Variants in SAMD12 observed in about 807,000 individuals in gnomAD.
The protein encoded by SAMD12 is sterile alpha motif domain containing 12.
In SAMD12, 9 loss-of-function variants were observed where a neutral mutation model predicts 15.0. The ratio of observed to expected loss-of-function variants is 0.60; its 90% CI spans 0.36 to 1.05. SAMD12 has a LOEUF of 1.05. Among genes scored for constraint, SAMD12 ranks in the 50% least tolerant of loss-of-function variants. SAMD12 has a pLI of 0.01. For synonymous variants in SAMD12, 86 were observed against 90.1 expected (o/e 0.96, Z 0.25); for missense variants, 230 against 234.2 (o/e 0.98, Z 0.12).
intron 3 of SAMD12, among the ~76,000 whole-genome samples, chr8:118,425,145 A>G (rs553649005): frequency 5.3e-5 from 8 of 152,042 alleles, no homozygotes; most frequent in South Asian, 4.1e-4. Context: ...TCACCGTGTT[A>G]GCCAGGATGG....
At chr8:118,264,138 A>G (rs1232254746) in intron 4 of SAMD12, among the ~76,000 whole-genome samples, 1 of 152,126 alleles carries the variant, frequency 6.6e-6, no homozygotes, top group Non-Finnish European at 1.5e-5. Flanking sequence ...TTAACTCTAT[A>G]AAGATAAGGC....
intron 4 of SAMD12, among the ~76,000 whole-genome samples, chr8:118,320,781 C>T (rs900011794): frequency 9.3e-5 from 14 of 150,596 alleles, no homozygotes; most frequent in African/African-American, 3.2e-4. Context: ...CAAATCTGCA[C>T]ATTGTGCACA....
chr8:118,511,860 T>C (rs1430582209), intron 2 of SAMD12, among the ~76,000 whole-genome samples: 1 of 152,218 alleles, frequency 6.6e-6, no homozygotes, highest in African/African-American at 2.4e-5. Flanking sequence ...TATACAAATC[T>C]GCACTGAACA....
intron 3 of SAMD12, among the ~76,000 whole-genome samples, chr8:118,405,243 G>T (rs1821068408): frequency 2.0e-5 from 3 of 152,068 alleles, no homozygotes; most frequent in Admixed American, 2.0e-4. Context: ...GAAAATGAGT[G>T]CTCATTTTCA....
At chr8:118,381,792 A>T in intron 3 of SAMD12, among the ~76,000 whole-genome samples, 1 of 152,270 alleles carries the variant, frequency 6.6e-6, no homozygotes, top group South Asian at 2.1e-4. Context: ...TAAGACAATA[A>T]ATTTGTGTTG....
intron 4 of SAMD12, among the ~76,000 whole-genome samples, chr8:118,208,049 G>C (rs1819914954): frequency 6.6e-6 from 1 of 151,982 alleles, no homozygotes; most frequent in African/African-American, 2.4e-5. Context: ...CCTGAGGTCG[G>C]GAGTTCGAGA....
intron 4 of SAMD12, among the ~76,000 whole-genome samples, chr8:118,223,719 G>T (rs1812129719): frequency 6.6e-6 from 1 of 152,146 alleles, no homozygotes; most frequent in African/African-American, 2.4e-5. Flanking sequence ...TAATATAAAA[G>T]CAATAATGTG....
intron 2 of SAMD12, among the ~76,000 whole-genome samples, chr8:118,458,364 T>C (rs2130931232): frequency 6.6e-6 from 1 of 152,340 alleles, no homozygotes; most frequent in Non-Finnish European, 1.5e-5. Context: ...TGGGGTCTAA[T>C]TTTGATCCTT....
intron 3 of SAMD12, among the ~76,000 whole-genome samples, chr8:118,431,871 A>T (rs972140423): frequency 1.3e-5 from 2 of 152,122 alleles, no homozygotes; most frequent in African/African-American, 4.8e-5. Flanking sequence ...CTGATATTCT[A>T]GTAATGCATA....
At chr8:118,500,308 C>G (rs1339880690) in intron 2 of SAMD12, among the ~76,000 whole-genome samples, 1 of 151,496 alleles carries the variant, frequency 6.6e-6, no homozygotes, top group African/African-American at 2.4e-5. Context: ...AAACTCCTGA[C>G]CTAAGGTAAT....
chr8:118,498,321 G>A (rs1824685563), intron 2 of SAMD12, among the ~76,000 whole-genome samples: 1 of 152,172 alleles, frequency 6.6e-6, no homozygotes, highest in South Asian at 2.1e-4. Context: ...AAAAAATATA[G>A]AGAAGAATGA....
the SAMD12 span, among the ~76,000 whole-genome samples, chr8:118,171,033 C>T: frequency 5.9e-5 from 9 of 152,196 alleles, no homozygotes; most frequent in South Asian, 1.9e-3. Flanking sequence ...GACATTTCTC[C>T]AAGGAAAATA....
Position 118,500,496 on chromosome 8 carries a change from G to T in SAMD12, c.193-60535C>A, listed in dbSNP as rs531450431. ...GGTTCCTTTCTGTGAAGCCATTCTTGATTCTTTTAATCAAAATCAGTTGTT... is the reference window on the plus strand; with the variant it reads ...GGTTCCTTTCTGTGAAGCCATTCTTTATTCTTTTAATCAAAATCAGTTGTT... On this transcript the variant is annotated intron_variant, in intron 2 of 3. Transcript: ENST00000314727. 8.6e-5 allele frequency among the ~76,000 whole-genome samples: 13 copies of T among 150,678 alleles called. No homozygotes were observed. The East Asian group carries it at 2.0e-3, about 24-fold the overall frequency.
At chr8:118,570,115 T>A (rs1004479662) in intron 2 of SAMD12, among the ~76,000 whole-genome samples, 2 of 152,166 alleles carry the variant, frequency 1.3e-5, no homozygotes, top group Non-Finnish European at 2.9e-5. Context: ...GGACCCTGAA[T>A]AGAGCTTGCA....
chr8:118,376,886 A>AG (rs1563808671), downstream of SAMD12, among the ~76,000 whole-genome samples: 2 of 152,216 alleles, frequency 1.3e-5, no homozygotes, highest in Non-Finnish European at 2.9e-5. Context: ...TATATTTTAA[A>AG]CTAATAAGTT....
At chr8:118,232,351 G>C (rs1409228058) in intron 4 of SAMD12, among the ~76,000 whole-genome samples, 2 of 152,118 alleles carry the variant, frequency 1.3e-5, no homozygotes, top group East Asian at 3.9e-4. Context: ...TACCAGAAGG[G>C]GAGAGAGGAA....
At chr8:118,619,791 G>A (rs1017064616) in intron 1 of SAMD12, among the ~76,000 whole-genome samples, 1 of 152,074 alleles carries the variant, frequency 6.6e-6, no homozygotes, top group Non-Finnish European at 1.5e-5. Context: ...AGAGTGCTGA[G>A]AAGGCAGAAG....
intron 3 of SAMD12, among the ~76,000 whole-genome samples, chr8:118,433,759 G>A (rs7813116): frequency 0.046 from 7,005 of 152,092 alleles, 559 homozygotes; most frequent in African/African-American, 0.16. Flanking sequence ...AAAGAAATGT[G>A]AAAAAACAAA....
intron 2 of SAMD12, among the ~76,000 whole-genome samples, chr8:118,462,840 C>T (rs1173633148): frequency 6.6e-6 from 1 of 152,068 alleles, no homozygotes. Context: ...CGGTGGCTCA[C>T]GCCTGTAATC....
Sources: allele counts gnomAD v4.1 joint callset (sites outside exome capture counted in the v4.1 genomes callset), GRCh38; gene constraint gnomAD v4.1.1; transcripts MANE v1.5; gene names NCBI Gene and HGNC (gene_info 2026-07-23, HGNC 2026-07-21).